BOP1: variants seen among roughly 807,000 people sequenced by gnomAD.
BOP1 encodes BOP1 ribosomal biogenesis factor, also known as ribosome biogenesis protein BOP1.
A neutral mutation model predicts 82.9 loss-of-function variants in BOP1; 54 were observed. That is an observed-to-expected ratio of 0.65 (90% CI 0.52 to 0.82). BOP1 has a LOEUF of 0.82. Ranked by LOEUF, BOP1 falls within the 40% of genes least tolerant of loss-of-function variation. BOP1 has a pLI of 0.00. For missense variants in BOP1, 1,170 were observed against 1,072.0 expected (o/e 1.09, Z -1.28); for synonymous variants, 566 against 451.1 (o/e 1.25, Z -3.23).
chr8:144,263,295 G>A lies in BOP1; in HGVS notation c.1531C>T (p.Gln511Ter). Residue 511 changes from glutamine (Q) to a stop codon, truncating the protein, a stop_gained, in exon 12 of 16, where the codon CAG (glutamine) becomes TAG (stop). Transcript: ENST00000569669. LOFTEE classifies it high-confidence loss of function. ...GAGGCCTCCAGCCAGCGGGCCGGCT[G>A]CAAGGGGGGCTCCTCAGGCGGGACG... is the stretch of plus-strand genomic sequence containing the variant. ...AFVPPEEPPL[Q>*]PARWLEASEE... 1 of 1,594,130 alleles carries A rather than the reference G, an allele frequency of 6.3e-7. No homozygotes were observed. The highest frequency in any genetic ancestry group is 1.1e-5 in the South Asian group (1 of 90,580).
chr8:144,267,300 A>G, intron 3 of BOP1: 1 of 1,203,824 alleles, frequency 8.3e-7, no homozygotes, highest in East Asian at 3.3e-5. Flanking sequence ...AGGCAGGCAC[A>G]CCTGTAACAC....
chr8:144,272,943 G>C (rs1298050423), intron 3 of BOP1, among the ~76,000 whole-genome samples: 1 of 152,060 alleles, frequency 6.6e-6, no homozygotes, highest in Non-Finnish European at 1.5e-5. Flanking sequence ...AGTGGAAAGG[G>C]ACCAGACCCG....
At chr8:144,268,024 G>A in intron 3 of BOP1, 1 of 1,546,656 alleles carries the variant, frequency 6.5e-7, no homozygotes, top group Non-Finnish European at 8.7e-7. Flanking sequence ...ACCTGAGATG[G>A]CACCCAGCAG....
intron 2 of BOP1, among the ~76,000 whole-genome samples, chr8:144,277,805 G>GGGCAGGGGCGGTGCA (rs1476917370): frequency 0.097 from 5,403 of 55,724 alleles, 230 homozygotes; most frequent in Non-Finnish European, 0.19. Context: ...GGGGCGGTGC[G>GGGCAGGGGCGGTGCA]GGCAGGGGCG....
chr8:144,271,225 G>A (rs1017920176), intron 3 of BOP1, among the ~76,000 whole-genome samples: 7 of 152,064 alleles, frequency 4.6e-5, no homozygotes, highest in African/African-American at 1.4e-4. Context: ...TTCCGCTCTC[G>A]ATGAGCCCCC....
Position 144,262,929 on chromosome 8 carries a change from G to A in BOP1, c.1818C>T (p.His606=). The change falls in exon 13 of 16, where the codon CAC becomes CAT. Residue 606 remains histidine, a synonymous_variant. Transcript: ENST00000569669. ...TCTTGGTGAGCTCCTGGCGCAGCAGGTGGTAGAGGCGGACGCTGCGCTGGG... is the reference window on the plus strand; with the variant it reads ...TCTTGGTGAGCTCCTGGCGCAGCAGATGGTAGAGGCGGACGCTGCGCTGGG... ...VASQRSVRLY[H]LLRQELTKKL... 1 of 1,550,068 alleles carries A rather than the reference G, an allele frequency of 6.5e-7. No homozygotes were observed. Among genetic ancestry groups the A allele is most frequent in the Non-Finnish European group, 8.7e-7 (1 of 1,154,304 alleles).
At chr8:144,286,321 C>T (rs1814866766) in intron 2 of BOP1, among the ~76,000 whole-genome samples, 1 of 152,140 alleles carries the variant, frequency 6.6e-6, no homozygotes, top group South Asian at 2.1e-4. Context: ...GACACGCGGG[C>T]AGATGCACGG....
At chr8:144,267,241 C>T (rs1381191948) in intron 3 of BOP1, 2 of 1,452,376 alleles carry the variant, frequency 1.4e-6, no homozygotes, top group Non-Finnish European at 1.8e-6. Context: ...CCCACACCTG[C>T]CAGGCAGAGG....
intron 1 of BOP1, among the ~76,000 whole-genome samples, chr8:144,290,860 G>A (rs782560892): frequency 1.2e-4 from 18 of 152,220 alleles, no homozygotes; most frequent in Non-Finnish European, 2.1e-4. Context: ...TTCTAATACA[G>A]CAAATGCAGC....
chr8:144,268,415 G>A, intron 3 of BOP1: 4 of 576,664 alleles, frequency 6.9e-6, no homozygotes, highest in South Asian at 6.5e-5. Context: ...GGCATCTTGT[G>A]TTTTTGATAT....
At chr8:144,271,480 G>A in intron 3 of BOP1, among the ~76,000 whole-genome samples, 1 of 152,078 alleles carries the variant, frequency 6.6e-6, no homozygotes, top group Non-Finnish European at 1.5e-5. Context: ...TGCGGGTAGT[G>A]TTCAGCGTTC....
At chr8:144,287,951 C>T (rs1248821876) in intron 2 of BOP1, among the ~76,000 whole-genome samples, 16 of 152,108 alleles carry the variant, frequency 1.1e-4, no homozygotes, top group Admixed American at 9.2e-4. Context: ...TCCTTACAAA[C>T]GATTTCCAGA....
chr8:144,267,031 G>C, intron 3 of BOP1: 1 of 1,515,520 alleles, frequency 6.6e-7, no homozygotes, highest in South Asian at 1.2e-5. Context: ...CTGCGGCGAC[G>C]GACAGCCCTG....
At chr8:144,290,229 C>G (rs1815005416) in intron 1 of BOP1, among the ~76,000 whole-genome samples, 1 of 151,682 alleles carries the variant, frequency 6.6e-6, no homozygotes, top group African/African-American at 2.4e-5. Flanking sequence ...TGGCGGGCAC[C>G]TCTAATCCCA....
intron 3 of BOP1, chr8:144,266,593 C>G: frequency 5.5e-6 from 6 of 1,098,626 alleles, no homozygotes; most frequent in Non-Finnish European, 6.7e-6. Context: ...ACAGAGCTGA[C>G]GCCGCGCCCC....
In BOP1 at chr8:144,263,148, G is replaced by C; in HGVS notation, c.1606-7C>G. On this transcript the variant is annotated splice_region_variant and splice_polypyrimidine_tract_variant and intron_variant, in intron 12 of 15. Transcript: ENST00000569669. ...AGGTCACCTGCGTCACTGGCTGCAG[G>C]AGAGCAAGGCTGGCTGAGTGGCTGA... is the stretch of plus-strand genomic sequence containing the variant. 2 of 1,593,746 alleles carry C rather than the reference G, an allele frequency of 1.3e-6. No homozygotes were observed. The highest frequency in any genetic ancestry group is 8.5e-7 in the Non-Finnish European group (1 of 1,178,874).
intron 3 of BOP1, chr8:144,268,305 TAC>T: frequency 9.9e-7 from 1 of 1,014,292 alleles, no homozygotes; most frequent in Non-Finnish European, 1.4e-6. Context: ...CAGACGGACG[TAC>T]AGACAGGCGC....
chr8:144,289,297 A>AG lies in BOP1; in HGVS notation c.106dup (p.Leu36ProfsTer34), dbSNP rs782133829. On this transcript the variant is annotated frameshift_variant, in exon 2 of 16. Transcript: ENST00000569669. LOFTEE classifies it high-confidence loss of function. ...GTGGCTGAGAGGAGAGGTGCAGAGG[A>AG]GGGGGGGCTGCAAGGAAACACTGGG... The AG allele has an allele frequency of 3.7e-6, 6 of 1,613,680 alleles. No individual in the cohort carries two copies. The highest frequency in any genetic ancestry group is 1.7e-5 in the Admixed American group (1 of 59,986).
At position 144,262,836 on chromosome 8, in the gene BOP1, C is replaced by G. The variant is rs1554836636; in HGVS notation, c.1894+17G>C. 3 of 933,364 alleles carry G rather than the reference C, an allele frequency of 3.2e-6. No individual in the cohort carries two copies. Among genetic ancestry groups the G allele is most frequent in the Non-Finnish European group, 4.4e-6 (3 of 680,470 alleles). The allele number at this position is 933,364 out of a possible 1,614,324, so 57.8% of individuals were successfully genotyped here. ...CCCCACCCCTCACCTGCAGGGTGCA[C>G]CGCCCCCACCCCTCACCTGCAGGGT... On this transcript the variant is annotated intron_variant, in intron 13 of 15. Transcript: ENST00000569669.
Sources: allele counts gnomAD v4.1 joint callset (sites outside exome capture counted in the v4.1 genomes callset), GRCh38; gene constraint gnomAD v4.1.1; transcripts MANE v1.5; gene names NCBI Gene and HGNC (gene_info 2026-07-23, HGNC 2026-07-21).